Variants in ENPP1 observed in about 807,000 individuals in gnomAD.
ENPP1 encodes ectonucleotide pyrophosphatase/phosphodiesterase family member 1.
ENPP1 carries 73 observed loss-of-function variants against 122.8 expected under a neutral mutation model. The observed-to-expected ratio is 0.59, with a 90% CI of 0.49 to 0.72. The LOEUF (loss-of-function observed/expected upper bound fraction) is 0.72. Ranked by LOEUF, ENPP1 falls within the 30% of genes least tolerant of loss-of-function variation. ENPP1 has a pLI of 0.00. For synonymous variants in ENPP1, 367 were observed against 391.6 expected (o/e 0.94, Z 0.74); for missense variants, 978 against 1,128.1 (o/e 0.87, Z 1.91).
At chr6:131,872,836 C>A in intron 14 of ENPP1, 87 bp from the exon 15 acceptor site, 1 of 1,305,770 alleles carries the variant, frequency 7.7e-7, no homozygotes, top group East Asian at 2.4e-5. Context: ...AAATATCTTT[C>A]CCTAATAAAT....
chr6:131,869,970 C>T (rs1001627017), intron 13 of ENPP1, among the ~76,000 whole-genome samples: 4 of 151,406 alleles, frequency 2.6e-5, no homozygotes, highest in Admixed American at 1.3e-4. Context: ...CTTTTGTACA[C>T]AAATGGATTT....
chr6:131,839,798 GCTGTATAA>G (rs1287616123), intron 1 of ENPP1, among the ~76,000 whole-genome samples: 10 of 151,838 alleles, frequency 6.6e-5, no homozygotes, highest in Admixed American at 5.3e-4. Context: ...CTAAATCATG[GCTGTATAA>G]CAGTTATATA....
intron 1 of ENPP1, among the ~76,000 whole-genome samples, chr6:131,824,000 A>G (rs73780767): frequency 0.017 from 2,614 of 150,804 alleles, 96 homozygotes; most frequent in African/African-American, 0.06. Flanking sequence ...TGTTATTGCT[A>G]TGGTTTGTAA....
chr6:131,858,698 G>A lies in ENPP1; in HGVS notation c.746G>A (p.Arg249Lys). The change falls in exon 7 of 25, where the codon AGA becomes AAA. Residue 249 changes from arginine (R) to lysine (K), a missense_variant. Coordinates refer to ENST00000647893, the MANE Select transcript of ENPP1 (RefSeq NM_006208.3). ...KKCGTYTKNM[R>K]PVYPTKTFPN... ...TGTGGAACATATACTAAAAACATGA[G>A]ACCGGTATATCCAACAAAAACTTTC... 6.2e-7 allele frequency: 1 copy of A among 1,611,234 alleles called. No homozygotes were observed. The highest frequency in any genetic ancestry group is 8.5e-7 in the Non-Finnish European group (1 of 1,177,592).
chr6:131,881,622 G>A (rs1450507903), intron 20 of ENPP1, among the ~76,000 whole-genome samples: 2 of 152,102 alleles, frequency 1.3e-5, no homozygotes, highest in Non-Finnish European at 2.9e-5. Context: ...GGTGGCTCAC[G>A]CCTGTAATCC....
intron 1 of ENPP1, among the ~76,000 whole-genome samples, chr6:131,809,478 T>C (rs895959442): frequency 5.3e-5 from 8 of 152,240 alleles, no homozygotes; most frequent in African/African-American, 1.9e-4. Flanking sequence ...CCAAGCCACA[T>C]GATGTTTGCA....
At position 131,869,351 on chromosome 6, in the gene ENPP1, C is replaced by A. The variant is rs1377493428; in HGVS notation, c.1274-7C>A. On this transcript the variant is annotated splice_region_variant and splice_polypyrimidine_tract_variant and intron_variant, in intron 12 of 24. Coordinates refer to ENST00000647893, the MANE Select transcript of ENPP1 (RefSeq NM_006208.3). ...CAGCATGTTTTGGGATTTTTTTTTTCTCCTAGGCATGGAACAAGGCAGTTG... is the reference window on the plus strand; with the variant it reads ...CAGCATGTTTTGGGATTTTTTTTTTATCCTAGGCATGGAACAAGGCAGTTG... The A allele has an allele frequency of 6.2e-7, 1 of 1,608,958 alleles. No homozygotes were observed. The highest frequency in any genetic ancestry group is 2.2e-5 in the East Asian group (1 of 44,716).
chr6:131,842,891 A>AT lies in ENPP1; in HGVS notation c.241-4875dup, dbSNP rs528920582. Among the ~76,000 whole-genome samples, 6 of 150,380 alleles carry AT rather than the reference A, an allele frequency of 4.0e-5. No individual in the cohort carries two copies. In the South Asian group the frequency reaches 6.3e-4, roughly 16 times the overall value. ...TTGAGGGAATTGGTGAGGGAAAAAA[A>AT]TTTTTTTTTTAGTATTTCTTTTGAC... is the stretch of plus-strand genomic sequence containing the variant. On this transcript the variant is annotated intron_variant, in intron 1 of 24. Coordinates refer to ENST00000647893, the MANE Select transcript of ENPP1 (RefSeq NM_006208.3).
At chr6:131,874,135 G>T (rs1464460483) in intron 15 of ENPP1, 133 bp from the exon 16 acceptor site, 14 of 659,540 alleles carry the variant, frequency 2.1e-5, no homozygotes, top group Non-Finnish European at 3.5e-5. Flanking sequence ...TCAAAGCCAG[G>T]TGGTTTTATT....
chr6:131,864,906 TC>T lies in ENPP1; in HGVS notation c.1133del (p.Ser378Ter), dbSNP rs1231113821. ...YTLYLEEPDS[S>X]GHSYGPVSSE... ...TCTGTATTTAGAAGAACCAGATTCT[TC>T]AGGTCATTCATATGGACCAGTCAGC... On this transcript the variant is annotated frameshift_variant, in exon 11 of 25. Coordinates refer to ENST00000647893, the MANE Select transcript of ENPP1 (RefSeq NM_006208.3). LOFTEE classifies it high-confidence loss of function. The T allele has an allele frequency of 6.2e-7, 1 of 1,606,248 alleles. No homozygotes were observed. Among genetic ancestry groups the T allele is most frequent in the Non-Finnish European group, 8.5e-7 (1 of 1,172,946 alleles).
intron 24 of ENPP1, 64 bp from the exon 25 acceptor site, chr6:131,890,277 C>G (rs1782450579): frequency 7.9e-7 from 1 of 1,267,016 alleles, no homozygotes; most frequent in African/African-American, 1.5e-5. Flanking sequence ...GGAGATGGAG[C>G]ACTTATAGAA....
In ENPP1 at chr6:131,808,099, G is replaced by A; in HGVS notation, c.64G>A (p.Glu22Lys). ...CGGCGAGGGCGGGCGCGCTCCCCGGGAGGGCCCGGCGGGGAACGGCCGCGA... is the reference window on the plus strand; with the variant it reads ...CGGCGAGGGCGGGCGCGCTCCCCGGAAGGGCCCGGCGGGGAACGGCCGCGA... ...RGGEGGRAPR[E>K]GPAGNGRDRG... The change falls in exon 1 of 25, where the codon GAG (glutamate) becomes AAG (lysine). Residue 22 changes from glutamate to lysine, a missense_variant. This residue lies in a region of ENPP1 where 330 missense variants were observed against 328.5 expected (regional missense o/e 1.00). Transcript: ENST00000647893. The A allele has an allele frequency of 2.6e-6, 3 of 1,174,338 alleles. No homozygotes were observed. The highest frequency in any genetic ancestry group is 3.2e-6 in the Non-Finnish European group (3 of 948,784). 72.7% of individuals were successfully genotyped at this position (1,174,338 alleles called of 1,614,324 possible). A position where few individuals can be genotyped will look rare whatever the true frequency, so the allele number is the denominator to read the frequency against.
At chr6:131,830,363 AAGG>A (rs1440032166) in intron 1 of ENPP1, among the ~76,000 whole-genome samples, 5 of 152,274 alleles carry the variant, frequency 3.3e-5, no homozygotes, top group East Asian at 3.9e-4. Flanking sequence ...CTGCCCCAGG[AAGG>A]AGGAGAGACT....
chr6:131,866,134 G>T (rs1410960933), intron 11 of ENPP1, among the ~76,000 whole-genome samples: 2 of 152,056 alleles, frequency 1.3e-5, no homozygotes, highest in African/African-American at 2.4e-5. Context: ...ACTATTTTGG[G>T]TCATGAAAAA....
In ENPP1 at chr6:131,875,793, T is replaced by C. The variant is rs1452598874; in HGVS notation, c.1653T>C (p.Tyr551=). 8 of 1,613,922 alleles carry C rather than the reference T, an allele frequency of 5.0e-6. No individual in the cohort carries two copies. Among genetic ancestry groups the C allele is most frequent in the Non-Finnish European group, 8.5e-7 (1 of 1,179,870 alleles). ...FSNMQALFVG[Y]GPGFKHGIEA... The stretch of plus-strand genomic sequence containing the variant: ...CCATCTAGGCCCTCTTTGTTGGCTA[T>C]GGACCTGGATTCAAGCATGGCATTG... The change falls in exon 17 of 25, where the codon TAT becomes TAC. Residue 551 remains tyrosine, a synonymous_variant. Coordinates refer to ENST00000647893, the MANE Select transcript of ENPP1 (RefSeq NM_006208.3).
chr6:131,838,787 A>G (rs1459870327), intron 1 of ENPP1, among the ~76,000 whole-genome samples: 1 of 152,152 alleles, frequency 6.6e-6, no homozygotes, highest in Non-Finnish European at 1.5e-5. Context: ...AAAAGAACAC[A>G]AATAGAGATG....
intron 1 of ENPP1, among the ~76,000 whole-genome samples, chr6:131,813,899 G>T (rs1781386202): frequency 6.6e-6 from 1 of 152,114 alleles, no homozygotes; most frequent in Non-Finnish European, 1.5e-5. Flanking sequence ...CTGGTTCGTA[G>T]TCTCCTTCAT....
chr6:131,855,017 A>G lies in ENPP1; in HGVS notation c.709A>G (p.Lys237Glu). 6.3e-7 allele frequency: 1 copy of G among 1,591,606 alleles called. No homozygotes were observed. The highest frequency in any genetic ancestry group is 8.6e-7 in the Non-Finnish European group (1 of 1,159,634). ...TWGGLLPVISKLKKCGTYTKN... is the reference protein window; with the variant it reads ...TWGGLLPVISELKKCGTYTKN... ...GGGTGGACTTCTTCCTGTTATTAGC[A>G]AACTAAGTGAGTAACTTCAGAGTTT... Residue 237 changes from lysine (K) to glutamate (E), a missense_variant, in exon 6 of 25, where the codon AAA becomes GAA. Around this residue, in one of 3 missense-constraint regions of ENPP1, gnomAD observed 330 missense variants for 328.5 expected, o/e 1.00. Transcript: ENST00000647893.
chr6:131,890,523 T>A lies in ENPP1; in HGVS notation c.*12T>A, dbSNP rs1782455352. 2 of 1,605,746 alleles carry A rather than the reference T, an allele frequency of 1.2e-6. No homozygotes were observed. The highest frequency in any genetic ancestry group is 1.7e-6 in the Non-Finnish European group (2 of 1,172,368). ...GCCAAGAAGACTGATATGTTTTTTA[T>A]CCCCAAACACCATGAATCTTTTTGA... is the stretch of plus-strand genomic sequence containing the variant. On this transcript the variant is annotated 3_prime_UTR_variant, in exon 25 of 25. Coordinates refer to ENST00000647893, the MANE Select transcript of ENPP1 (RefSeq NM_006208.3).
Sources: gnomAD v4.1 joint callset for allele counts (sites outside exome capture counted in the v4.1 genomes callset) on GRCh38, gnomAD v4.1.1 for gene constraint, gnomAD v4.1.1 regional missense constraint, MANE v1.5 for transcripts, NCBI Gene and HGNC (gene_info 2026-07-23, HGNC 2026-07-21) for gene names.